Variants in TANC2 observed in about 807,000 individuals in gnomAD.
The protein encoded by TANC2 is protein TANC2.
Under a neutral mutation model 210.5 loss-of-function variants are expected in TANC2, and 26 were observed. The observed-to-expected ratio is 0.12, with a 90% CI of 0.09 to 0.17. TANC2 has a LOEUF of 0.17. TANC2 is among the 10% of genes least tolerant of loss of function. TANC2 has a pLI of 1.00. For missense variants in TANC2, 2,129 were observed against 2,608.9 expected (o/e 0.82, Z 4.01); for synonymous variants, 931 against 967.1 (o/e 0.96, Z 0.69).
intron 4 of TANC2, among the ~76,000 whole-genome samples, chr17:63,133,631 A>C (rs1254809722): frequency 6.6e-6 from 1 of 152,116 alleles, no homozygotes; most frequent in Non-Finnish European, 1.5e-5. Context: ...TTTCTTCCTC[A>C]GTTCTTTATT....
chr17:63,244,486 G>A (rs1242829358), intron 8 of TANC2, among the ~76,000 whole-genome samples: 1 of 152,182 alleles, frequency 6.6e-6, no homozygotes, highest in Non-Finnish European at 1.5e-5. Flanking sequence ...CACCCATTTA[G>A]TGGAAAGTTT....
At chr17:63,138,138 A>T (rs2039156526) in intron 4 of TANC2, among the ~76,000 whole-genome samples, 1 of 152,176 alleles carries the variant, frequency 6.6e-6, no homozygotes, top group African/African-American at 2.4e-5. Context: ...TGCAATTTGT[A>T]AAAGACCCTT....
chr17:63,291,068 C>T (rs974417300), intron 9 of TANC2, among the ~76,000 whole-genome samples: 1 of 152,080 alleles, frequency 6.6e-6, no homozygotes, highest in Non-Finnish European at 1.5e-5. Context: ...GGCATTTTCC[C>T]CCTTCCCCCA....
At chr17:63,384,130 C>T in intron 15 of TANC2, among the ~76,000 whole-genome samples, 1 of 151,992 alleles carries the variant, frequency 6.6e-6, no homozygotes, top group African/African-American at 2.4e-5. Flanking sequence ...AGTATAGTGG[C>T]ACAATCACAG....
chr17:63,204,196 A>T (rs995312230), intron 7 of TANC2, among the ~76,000 whole-genome samples: 3 of 152,096 alleles, frequency 2.0e-5, no homozygotes, highest in African/African-American at 7.2e-5. Flanking sequence ...TATCCTAAAG[A>T]TGAAAAATCC....
At chr17:63,347,508 T>C (rs889543545) in intron 12 of TANC2, among the ~76,000 whole-genome samples, 1 of 152,216 alleles carries the variant, frequency 6.6e-6, no homozygotes, top group Non-Finnish European at 1.5e-5. Flanking sequence ...ATTTTTAATA[T>C]AGAATTATTT....
chr17:63,357,005 G>A (rs2046801327), intron 14 of TANC2, among the ~76,000 whole-genome samples: 1 of 152,092 alleles, frequency 6.6e-6, no homozygotes. Flanking sequence ...TGGAGCACAA[G>A]ATTTTAAAAA....
intron 4 of TANC2, among the ~76,000 whole-genome samples, chr17:63,101,544 A>T (rs909525734): frequency 6.6e-6 from 1 of 152,146 alleles, no homozygotes; most frequent in Admixed American, 6.5e-5. Flanking sequence ...AGTGCTTTTT[A>T]CTTAATCATT....
intron 2 of TANC2, among the ~76,000 whole-genome samples, chr17:63,059,319 G>A (rs1046343715): frequency 6.6e-6 from 1 of 152,046 alleles, no homozygotes; most frequent in African/African-American, 2.4e-5. Flanking sequence ...TCTGTACTTT[G>A]TTTTTCCTGA....
At chr17:63,114,912 T>C (rs895451101) in intron 4 of TANC2, among the ~76,000 whole-genome samples, 1 of 152,206 alleles carries the variant, frequency 6.6e-6, no homozygotes, top group African/African-American at 2.4e-5. Context: ...GTACTTTGTC[T>C]TTTGAAGTAT....
chr17:63,087,133 A>G (rs1017049299), intron 3 of TANC2, among the ~76,000 whole-genome samples: 4 of 152,190 alleles, frequency 2.6e-5, no homozygotes, highest in African/African-American at 7.2e-5. Flanking sequence ...TGAGACCACA[A>G]ACCCATCGGA....
intron 8 of TANC2, among the ~76,000 whole-genome samples, chr17:63,251,131 C>G (rs1317751091): frequency 6.6e-6 from 1 of 152,094 alleles, no homozygotes; most frequent in Admixed American, 6.6e-5. Flanking sequence ...CTTTCTTGTT[C>G]TCAAGAACCT....
intron 7 of TANC2, among the ~76,000 whole-genome samples, chr17:63,202,306 T>A (rs2041560710): frequency 6.6e-6 from 1 of 152,114 alleles, no homozygotes; most frequent in Non-Finnish European, 1.5e-5. Context: ...ACTATATATT[T>A]ATACTCTGTG....
intron 6 of TANC2, among the ~76,000 whole-genome samples, chr17:63,195,392 A>C (rs916199409): frequency 3.3e-5 from 5 of 152,196 alleles, no homozygotes; most frequent in African/African-American, 9.7e-5. Flanking sequence ...AAAGCATTGG[A>C]GCCATTTGAC....
intron 14 of TANC2, among the ~76,000 whole-genome samples, chr17:63,357,948 C>G (rs1455531685): frequency 6.6e-6 from 1 of 152,246 alleles, no homozygotes; most frequent in African/African-American, 2.4e-5. Context: ...CCTCTGAAAT[C>G]ACACCAGGTA....
In TANC2 at chr17:63,420,206, G is replaced by A; in HGVS notation, c.4476G>A (p.Gln1492=). The A allele has an allele frequency of 4.4e-6, 7 of 1,605,188 alleles. No individual in the cohort carries two copies. The highest frequency in any genetic ancestry group is 6.0e-6 in the Non-Finnish European group (7 of 1,175,556). The change falls in exon 28 of 28, where the codon CAG becomes CAA. Residue 1492 remains glutamine, a synonymous_variant. Coordinates refer to ENST00000689528, the Ensembl canonical transcript of TANC2. This position sits in a 1 kb window ranked among gnomAD's most constrained non-coding sequence, Gnocchi z 4.2. ...AGCATGAAGACATATACTCTGTACA[G>A]GATATATTCGAGGAGGAGTACCTGG...
At chr17:63,399,895 C>T (rs1262759685) in intron 19 of TANC2, among the ~76,000 whole-genome samples, 1 of 152,102 alleles carries the variant, frequency 6.6e-6, no homozygotes, top group Non-Finnish European at 1.5e-5. Context: ...ATTTGCTTCT[C>T]GAATAATCCC....
intron 1 of TANC2, among the ~76,000 whole-genome samples, chr17:62,998,016 A>G (rs2033197633): frequency 6.6e-6 from 1 of 152,232 alleles, no homozygotes; most frequent in Non-Finnish European, 1.5e-5. Context: ...TACCAGGAAT[A>G]TAGGGAATAC....
At chr17:63,076,265 A>C (rs2036568830) in intron 3 of TANC2, among the ~76,000 whole-genome samples, 1 of 152,154 alleles carries the variant, frequency 6.6e-6, no homozygotes, top group African/African-American at 2.4e-5. Context: ...GTAGCCTGGG[A>C]GACACCAGGC....
Sources: gnomAD v4.1 joint callset for allele counts (sites outside exome capture counted in the v4.1 genomes callset) on GRCh38, gnomAD v4.1.1 for gene constraint, Gnocchi (gnomAD v3.1) non-coding constraint, MANE v1.5 for transcripts, NCBI Gene and HGNC (gene_info 2026-07-23, HGNC 2026-07-21) for gene names.